Variants in ASIC2 observed in about 807,000 individuals in gnomAD.
ASIC2 encodes acid sensing ion channel subunit 2.
Under a neutral mutation model 57.3 loss-of-function variants are expected in ASIC2, and 25 were observed. That is an observed-to-expected ratio of 0.44 (90% confidence interval 0.32 to 0.61). ASIC2 has a LOEUF of 0.61. ASIC2 is among the 20% of genes least tolerant of loss of function. The pLI, the probability that ASIC2 is intolerant of heterozygous loss-of-function variation, is 0.06. For missense variants in ASIC2, 641 were observed against 738.1 expected, an observed-to-expected ratio of 0.87 and a Z score of 1.52; for synonymous variants, 319 against 307.5, an observed-to-expected ratio of 1.04 and a Z score of -0.39.
At chr17:33,618,326 C>T in intron 1 of ASIC2, among the ~76,000 whole-genome samples, 1 of 151,940 alleles carries the variant, frequency 6.6e-6, no homozygotes, top group East Asian at 1.9e-4. Flanking sequence ...GTAGCTGAGA[C>T]TATAATCATG....
chr17:33,614,886 T>C (rs1016482178), intron 1 of ASIC2, among the ~76,000 whole-genome samples: 1 of 152,222 alleles, frequency 6.6e-6, no homozygotes, highest in Admixed American at 6.5e-5. Flanking sequence ...TGTGGGACTA[T>C]GGGCAAGTCA....
At chr17:33,731,496 A>T (rs930157923) in intron 1 of ASIC2, among the ~76,000 whole-genome samples, 1 of 152,156 alleles carries the variant, frequency 6.6e-6, no homozygotes, top group Non-Finnish European at 1.5e-5. Context: ...TCCATAAAGA[A>T]ATCTCCCTGC....
intron 1 of ASIC2, among the ~76,000 whole-genome samples, chr17:33,866,029 A>C (rs184146700): frequency 8.1e-4 from 124 of 152,166 alleles, no homozygotes; most frequent in Middle Eastern, 3.4e-3. Flanking sequence ...GTTTTGTCTG[A>C]TTTCTTTGCT....
Position 33,581,291 on chromosome 17 carries a change from A to C in ASIC2, c.556-469224T>G, listed in dbSNP as rs181318074. On this transcript the variant is annotated intron_variant, in intron 1 of 9. Coordinates refer to the ASIC2 transcript ENST00000359872. The stretch of plus-strand genomic sequence containing the variant: ...GCCTCTGGAAGTTGAAAACGACCTA[A>C]GTGCTCAGTCCTACAGCTGCATGGA... 17 of 152,304 alleles carry C rather than the reference A, an allele frequency of 1.1e-4. No homozygotes were observed. In the East Asian group the frequency reaches 3.3e-3, roughly 29 times the overall value. 9.4% of individuals were successfully genotyped at this position (152,304 alleles called of 1,614,324 possible).
chr17:33,434,083 C>T (rs1232391371), intron 1 of ASIC2, among the ~76,000 whole-genome samples: 1 of 151,648 alleles, frequency 6.6e-6, no homozygotes, highest in Non-Finnish European at 1.5e-5. Flanking sequence ...GAGTTCAAGA[C>T]CAGCCTGGGC....
rs10612611 is a variant in ASIC2, at chr17:33,058,470, CAAAA to C, written c.988-30082_988-30079del. ...CTGTTTTTTCTCCCTTCTGAGAAGTCAAAAAAAAAAAAAAAAAAAAACAAAACCC... is the reference window on the plus strand; with the variant it reads ...CTGTTTTTTCTCCCTTCTGAGAAGTCAAAAAAAAAAAAAAAAACAAAACCC... On this transcript the variant is annotated intron_variant, in intron 3 of 9. Transcript: ENST00000225823. Among the ~76,000 whole-genome samples the C allele has an allele frequency of 7.8e-3, 859 of 109,690 alleles. 1 individual carries two copies. The highest frequency in any genetic ancestry group is 0.011 in the East Asian group (41 of 3,820). 72.0% of individuals were successfully genotyped at this position (109,690 alleles called of 152,430 possible).
chr17:33,741,084 G>A lies in ASIC2; in HGVS notation c.555+414894C>T, dbSNP rs550190336. Among the ~76,000 whole-genome samples, 54 of 152,300 alleles carry A rather than the reference G, an allele frequency of 3.5e-4. No homozygotes were observed. The South Asian group carries it at 4.8e-3, about 13-fold the overall frequency. On this transcript the variant is annotated intron_variant, in intron 1 of 9. Coordinates refer to the ASIC2 transcript ENST00000359872. ...GACCCAGAAAGCCTTGGGAGTGCAC[G>A]GAGCTGTCGAAGGGGCTTCTAGGCA... is the stretch of plus-strand genomic sequence containing the variant.
intron 1 of ASIC2, among the ~76,000 whole-genome samples, chr17:34,129,131 A>G (rs1019762882): frequency 2.0e-5 from 3 of 152,188 alleles, no homozygotes; most frequent in African/African-American, 7.2e-5. Context: ...AGTTTTTAAT[A>G]GCTTACATCT....
At chr17:33,427,009 A>T (rs1462057268) in intron 1 of ASIC2, among the ~76,000 whole-genome samples, 1 of 152,166 alleles carries the variant, frequency 6.6e-6, no homozygotes, top group African/African-American at 2.4e-5. Flanking sequence ...ATGGGAAAAG[A>T]TTTGTATACT....
chr17:33,254,290 G>C (rs1410881360), intron 1 of ASIC2, among the ~76,000 whole-genome samples: 1 of 152,142 alleles, frequency 6.6e-6, no homozygotes, highest in Non-Finnish European at 1.5e-5. Flanking sequence ...ACCTCCAGTT[G>C]TGCCTCCCCT....
At chr17:33,648,610 T>G (rs1035909609) in intron 1 of ASIC2, among the ~76,000 whole-genome samples, 3 of 152,218 alleles carry the variant, frequency 2.0e-5, no homozygotes, top group African/African-American at 7.2e-5. Flanking sequence ...GCAGCCTGCA[T>G]TGTGAAACTC....
chr17:33,813,566 A>G (rs2141887537), intron 1 of ASIC2, among the ~76,000 whole-genome samples: 1 of 152,184 alleles, frequency 6.6e-6, no homozygotes, highest in South Asian at 2.1e-4. Context: ...CCTCCTGAGT[A>G]GCTGGGACTA....
At chr17:33,216,512 G>A (rs1290758000) in intron 1 of ASIC2, among the ~76,000 whole-genome samples, 2 of 152,206 alleles carry the variant, frequency 1.3e-5, no homozygotes, top group Non-Finnish European at 1.5e-5. Flanking sequence ...TGAATGACGA[G>A]GAGGTGTTAG....
At chr17:33,768,286 G>A (rs895989065) in intron 1 of ASIC2, among the ~76,000 whole-genome samples, 2 of 152,084 alleles carry the variant, frequency 1.3e-5, no homozygotes, top group Non-Finnish European at 2.9e-5. Flanking sequence ...GATCACAGAC[G>A]TGAGCCACCA....
At chr17:33,063,220 A>G (rs1478953189) in intron 3 of ASIC2, among the ~76,000 whole-genome samples, 2 of 152,096 alleles carry the variant, frequency 1.3e-5, no homozygotes, top group Non-Finnish European at 2.9e-5. Flanking sequence ...TTAGCTGCTT[A>G]TTTTGCTCAT....
At chr17:33,403,929 T>G (rs949923366) in intron 1 of ASIC2, among the ~76,000 whole-genome samples, 2 of 152,178 alleles carry the variant, frequency 1.3e-5, no homozygotes, top group Admixed American at 1.3e-4. Flanking sequence ...TGATAGTAAC[T>G]TACAGAGAGA....
chr17:33,996,805 G>A (rs559705874), intron 1 of ASIC2, among the ~76,000 whole-genome samples: 158 of 152,298 alleles, frequency 1.0e-3, no homozygotes, highest in African/African-American at 3.8e-3. Flanking sequence ...CTCTGGCTTT[G>A]TATTTCTTGC....
chr17:33,201,604 T>A (rs544332460), intron 1 of ASIC2, among the ~76,000 whole-genome samples: 2 of 152,346 alleles, frequency 1.3e-5, no homozygotes, highest in Admixed American at 1.3e-4. Flanking sequence ...TTGCATGTAA[T>A]TAAAATGAGT....
intron 1 of ASIC2, among the ~76,000 whole-genome samples, chr17:33,406,693 C>A (rs1405156757): frequency 1.3e-5 from 2 of 152,182 alleles, no homozygotes; most frequent in East Asian, 1.9e-4. Context: ...AAGGGCTATG[C>A]AAGCATTTGC....
Sources: allele counts gnomAD v4.1 joint callset (sites outside exome capture counted in the v4.1 genomes callset), GRCh38; gene constraint gnomAD v4.1.1; transcripts MANE v1.5; gene names NCBI Gene and HGNC (gene_info 2026-07-23, HGNC 2026-07-21).